UCHL3: variants seen among roughly 807,000 people sequenced by gnomAD.
UCHL3 encodes the protein ubiquitin carboxyl-terminal hydrolase isozyme L3.
UCHL3 carries 22 observed loss-of-function variants against 35.8 expected under a neutral mutation model. That is an observed-to-expected ratio of 0.61 (90% CI 0.44 to 0.88). UCHL3 has a LOEUF of 0.88. Among genes scored for constraint, UCHL3 ranks in the 40% least tolerant of loss-of-function variants. The pLI, the probability that UCHL3 is intolerant of heterozygous loss-of-function variation, is 0.00. For synonymous variants in UCHL3, 90 were observed against 92.8 expected (o/e 0.97, Z 0.17); for missense variants, 229 against 276.9 (o/e 0.83, Z 1.23).
chr13:75,592,449 T>TATGTATATACATATATAC (rs2032526689), intron 6 of UCHL3, among the ~76,000 whole-genome samples: 2 of 105,566 alleles, frequency 1.9e-5, no homozygotes, highest in African/African-American at 3.3e-5. Context: ...TATATATATA[T>TATGTATATACATATATAC]ATATATATAT....
chr13:75,587,138 G>A (rs892538450), intron 6 of UCHL3, among the ~76,000 whole-genome samples: 13 of 151,646 alleles, frequency 8.6e-5, no homozygotes, highest in Admixed American at 3.9e-4. Context: ...CAATATAGTA[G>A]GGCAAGTAAG....
chr13:75,597,567 T>C (rs969565258), intron 7 of UCHL3, among the ~76,000 whole-genome samples: 1 of 152,194 alleles, frequency 6.6e-6, no homozygotes, highest in Non-Finnish European at 1.5e-5. Flanking sequence ...GCATTTATAT[T>C]GTATTATGTA....
intron 8 of UCHL3, 79 bp from the exon 9 acceptor site, chr13:75,605,650 A>C (rs1170711472): frequency 1.4e-6 from 2 of 1,387,970 alleles, no homozygotes; most frequent in Non-Finnish European, 2.0e-6. Flanking sequence ...AGTATGAATT[A>C]GAAAAATATG....
chr13:75,588,215 C>A (rs1358548730), intron 6 of UCHL3, among the ~76,000 whole-genome samples: 1 of 152,054 alleles, frequency 6.6e-6, no homozygotes, highest in East Asian at 1.9e-4. Flanking sequence ...GAATATTTTC[C>A]CATTTCACCC....
chr13:75,564,459 G>T (rs2138483911), intron 3 of UCHL3, among the ~76,000 whole-genome samples: 1 of 152,110 alleles, frequency 6.6e-6, no homozygotes, highest in South Asian at 2.1e-4. Context: ...CTAAAGTGCA[G>T]ATATCTTTAC....
intron 6 of UCHL3, among the ~76,000 whole-genome samples, chr13:75,593,986 TC>T (rs2032578445): frequency 6.6e-6 from 1 of 152,220 alleles, no homozygotes; most frequent in Admixed American, 6.5e-5. Context: ...TGAAAACTTT[TC>T]CTTTAAAATT....
At chr13:75,586,814 AT>A (rs1186266900) in intron 6 of UCHL3, among the ~76,000 whole-genome samples, 1 of 151,968 alleles carries the variant, frequency 6.6e-6, no homozygotes, top group Non-Finnish European at 1.5e-5. Context: ...ATTAGAAAAC[AT>A]TTTGAATTGA....
chr13:75,600,978 T>C (rs541095328), intron 7 of UCHL3, among the ~76,000 whole-genome samples: 2 of 152,310 alleles, frequency 1.3e-5, no homozygotes, highest in East Asian at 3.9e-4. Context: ...TTGGTTCCAA[T>C]CCTCATGGAT....
Position 75,569,524 on chromosome 13 carries a change from C to T in UCHL3, c.474+17C>T, listed in dbSNP as rs753254220. On this transcript the variant is annotated intron_variant, in intron 6 of 8. Coordinates refer to ENST00000377595, the MANE Select transcript of UCHL3 (RefSeq NM_006002.5). ...CAGACTGAGGTATTTCACATTTTTTCTAAATTTTTCTTGCTATAAATTTAA... is the reference window on the plus strand; with the variant it reads ...CAGACTGAGGTATTTCACATTTTTTTTAAATTTTTCTTGCTATAAATTTAA... 6.2e-7 allele frequency: 1 copy of T among 1,601,750 alleles called. No individual in the cohort carries two copies. Among genetic ancestry groups the T allele is most frequent in the Admixed American group, 1.7e-5 (1 of 58,058 alleles).
intron 8 of UCHL3, among the ~76,000 whole-genome samples, 185 bp from the exon 9 acceptor site, chr13:75,605,543 TC>T (rs2032917072): frequency 6.6e-6 from 1 of 152,084 alleles, no homozygotes; most frequent in Admixed American, 6.6e-5. Context: ...ACTTACTGTA[TC>T]TTATACTTTT....
chr13:75,600,963 A>G (rs2032768935), intron 7 of UCHL3, among the ~76,000 whole-genome samples: 1 of 152,220 alleles, frequency 6.6e-6, no homozygotes, highest in African/African-American at 2.4e-5. Context: ...TGAGTTTGGA[A>G]TAAGTTGGTT....
chr13:75,590,155 T>C (rs1442377975), intron 6 of UCHL3: 2 of 1,288,272 alleles, frequency 1.6e-6, no homozygotes, highest in Non-Finnish European at 2.0e-6. Context: ...CTTCCGTCTC[T>C]TCTTCCAGTG....
chr13:75,605,765 G>A lies in UCHL3; in HGVS notation c.646G>A (p.Asp216Asn), dbSNP rs765533437. 5.6e-6 allele frequency: 9 copies of A among 1,613,644 alleles called. No individual in the cohort carries two copies. The highest frequency in any genetic ancestry group is 2.2e-5 in the South Asian group (2 of 91,054). The change falls in exon 9 of 9, where the codon GAC becomes AAC. Residue 216 changes from aspartate to asparagine, a missense_variant. Coordinates refer to ENST00000377595, the MANE Select transcript of UCHL3 (RefSeq NM_006002.5). ...IEVCKKFMERDPDELRFNAIA... is the reference protein window; with the variant it reads ...IEVCKKFMERNPDELRFNAIA... ...AGTTTGCAAGAAGTTTATGGAGCGC[G>A]ACCCTGATGAACTAAGATTTAATGC...
At chr13:75,582,859 C>T (rs1443128851) in intron 6 of UCHL3, among the ~76,000 whole-genome samples, 2 of 152,158 alleles carry the variant, frequency 1.3e-5, no homozygotes, top group Non-Finnish European at 2.9e-5. Flanking sequence ...GTGAATTTTA[C>T]GTTTCCATAA....
At chr13:75,564,684 T>G (rs114063286) in intron 3 of UCHL3, among the ~76,000 whole-genome samples, 1 of 152,086 alleles carries the variant, frequency 6.6e-6, no homozygotes, top group Non-Finnish European at 1.5e-5. Flanking sequence ...TTACCATCAA[T>G]GATAGTGTTG....
At chr13:75,569,389 G>T in intron 5 of UCHL3, 71 bp from the exon 6 acceptor site, 1 of 1,248,916 alleles carries the variant, frequency 8.0e-7, no homozygotes, top group Non-Finnish European at 1.1e-6. Context: ...TTAAAATTTA[G>T]CTTTGTTGTC....
Position 75,550,707 on chromosome 13 carries a change from C to G in UCHL3, c.54+720C>G, listed in dbSNP as rs191243255. On this transcript the variant is annotated intron_variant, in intron 2 of 8. Coordinates refer to ENST00000377595, the MANE Select transcript of UCHL3 (RefSeq NM_006002.5). ...AAACTTTTGATCTGCTCAGGTGTGC[C>G]TTATTTTACCCTGTTTTTTTTTTTT... Among the ~76,000 whole-genome samples, 5 of 129,976 alleles carry G rather than the reference C, an allele frequency of 3.8e-5. No homozygotes were observed. The East Asian group carries it at 1.2e-3, about 30-fold the overall frequency. The allele number at this position is 129,976 out of a possible 152,430, so 85.3% of individuals were successfully genotyped here.
intron 6 of UCHL3, among the ~76,000 whole-genome samples, chr13:75,589,377 G>A (rs1821062207): frequency 6.6e-6 from 1 of 152,094 alleles, no homozygotes; most frequent in African/African-American, 2.4e-5. Flanking sequence ...TAGCTAAGAG[G>A]CCATGATATT....
In UCHL3 at chr13:75,590,040, G is replaced by C. The variant is rs765712894; in HGVS notation, c.475-4875G>C. 3 of 1,304,632 alleles carry C rather than the reference G, an allele frequency of 2.3e-6. No individual in the cohort carries two copies. The South Asian group carries it at 3.7e-5, about 16-fold the overall frequency. The allele number at this position is 1,304,632 out of a possible 1,614,324, so 80.8% of individuals were successfully genotyped here. A position where few individuals can be genotyped will look rare whatever the true frequency, so the allele number is the denominator to read the frequency against. ...CCTGCCCTGGGTCAAACGTAACCAT[G>C]TAGGCCCTGCAAAGGCTACCAGTCC... On this transcript the variant is annotated intron_variant, in intron 6 of 8. Coordinates refer to ENST00000377595, the MANE Select transcript of UCHL3 (RefSeq NM_006002.5).
Sources: gnomAD v4.1 joint callset for allele counts (sites outside exome capture counted in the v4.1 genomes callset) on GRCh38, gnomAD v4.1.1 for gene constraint, MANE v1.5 for transcripts, NCBI Gene and HGNC (gene_info 2026-07-23, HGNC 2026-07-21) for gene names.